The following SGPP1 variants were observed in gnomAD, a reference collection of about 807,000 sequenced individuals.
The protein encoded by SGPP1 is hSPP1.
In SGPP1, 21 loss-of-function variants were observed where a neutral mutation model predicts 33.0. That is an observed-to-expected ratio of 0.64 (90% CI 0.45 to 0.92). SGPP1 has a LOEUF of 0.92. SGPP1 is among the 40% of genes least tolerant of loss of function. The pLI, the probability that SGPP1 is intolerant of heterozygous loss-of-function variation, is 0.00. For missense variants in SGPP1, 543 were observed against 589.4 expected (o/e 0.92, Z 0.81); for synonymous variants, 239 against 241.2 (o/e 0.99, Z 0.08).
At chr14:63,688,439 T>C (rs1399103941) in intron 2 of SGPP1, among the ~76,000 whole-genome samples, 1 of 151,666 alleles carries the variant, frequency 6.6e-6, no homozygotes, top group African/African-American at 2.4e-5. Context: ...TAGTTTTAGG[T>C]AGGAGCAATT....
At chr14:63,698,733 A>T (rs1885239430) in intron 1 of SGPP1, 75 bp from the exon 2 acceptor site, 2 of 796,284 alleles carry the variant, frequency 2.5e-6, no homozygotes, top group Non-Finnish European at 3.8e-6. Flanking sequence ...AGACAAATCA[A>T]ATCACTATTC....
chr14:63,705,604 G>T (rs1323535452), intron 1 of SGPP1, among the ~76,000 whole-genome samples: 1 of 151,928 alleles, frequency 6.6e-6, no homozygotes, highest in African/African-American at 2.4e-5. Flanking sequence ...GGAGGTAAAG[G>T]TTCCCACGAG....
chr14:63,687,131 A>G (rs1566815995), intron 2 of SGPP1, among the ~76,000 whole-genome samples: 1 of 152,204 alleles, frequency 6.6e-6, no homozygotes, highest in East Asian at 1.9e-4. Context: ...GGTTGAGGAT[A>G]CATTGCTTTA....
rs1209086646 is a variant in SGPP1 at position 63,686,320 on chromosome 14, T to C, written c.1111A>G (p.Ile371Val). 1.2e-6 allele frequency: 2 copies of C among 1,613,952 alleles called. No homozygotes were observed. The highest frequency in any genetic ancestry group is 1.7e-6 in the Non-Finnish European group (2 of 1,179,970). The change falls in exon 3 of 3, where the codon ATA (isoleucine) becomes GTA (valine). Residue 371 changes from isoleucine (I) to valine (V), a missense_variant. Ile to Val is a conservative substitution (Grantham distance 29). Transcript: ENST00000247225. Reference sequence around the variant, plus strand: ...ATTATTAGTACAAATACCATCCCTATGAGGATCCGCAATATGGCTTTTCCA... The same window carrying C: ...ATTATTAGTACAAATACCATCCCTACGAGGATCCGCAATATGGCTTTTCCA... ...LFGKAILRIL[I>V]GMVFVLIIRD...
intron 1 of SGPP1, among the ~76,000 whole-genome samples, chr14:63,715,840 A>G (rs1035464802): frequency 6.6e-6 from 1 of 152,190 alleles, no homozygotes; most frequent in Admixed American, 6.6e-5. Context: ...TGTGGAGAGG[A>G]GCAGGCCAAA....
intron 1 of SGPP1, among the ~76,000 whole-genome samples, chr14:63,716,698 C>CTT (rs113716596): frequency 8.3e-4 from 118 of 142,910 alleles, no homozygotes; most frequent in Non-Finnish European, 1.4e-3. Context: ...CCCAATAATA[C>CTT]TTTTTTTTTT....
chr14:63,687,205 C>G (rs984638645), intron 2 of SGPP1, among the ~76,000 whole-genome samples: 1 of 152,056 alleles, frequency 6.6e-6, no homozygotes, highest in Non-Finnish European at 1.5e-5. Context: ...CTTTGGGAGG[C>G]TGAGGTGGGT....
intron 1 of SGPP1, among the ~76,000 whole-genome samples, chr14:63,701,160 T>C (rs1390819051): frequency 1.3e-5 from 2 of 152,054 alleles, no homozygotes; most frequent in Non-Finnish European, 2.9e-5. Context: ...TTAAAAAATA[T>C]TTTGCAGAGA....
intron 1 of SGPP1, among the ~76,000 whole-genome samples, chr14:63,709,266 C>G (rs553590129): frequency 1.3e-5 from 2 of 151,228 alleles, no homozygotes; most frequent in African/African-American, 2.4e-5. Context: ...CCCAGCTACT[C>G]GGGAGGCTGA....
rs1884947225 is a variant in SGPP1 at position 63,685,293 on chromosome 14, T to A, written c.*812A>T. Reference sequence around the variant, plus strand: ...TTGCTTGATTATATGTAACTTAAGATAAAGTTAATGTCTTATTTTTACATC... The same window carrying A: ...TTGCTTGATTATATGTAACTTAAGAAAAAGTTAATGTCTTATTTTTACATC... On this transcript the variant is annotated 3_prime_UTR_variant, in exon 3 of 3. Transcript: ENST00000247225. The A allele has an allele frequency of 6.6e-6, 1 of 152,492 alleles. No homozygotes were observed. The allele number at this position is 152,492 out of a possible 1,614,324, so 9.4% of individuals were successfully genotyped here.
In SGPP1 at chr14:63,686,361, A is replaced by G; in HGVS notation, c.1070T>C (p.Ile357Thr). Residue 357 changes from isoleucine to threonine, a missense_variant, in exon 3 of 3, where the codon ATT (isoleucine) becomes ACT (threonine). Coordinates refer to ENST00000247225, the MANE Select transcript of SGPP1 (RefSeq NM_030791.4). ...GGCTTTTCCAAACAGAGTCACAGTAATGGGGGGCCCAGCTAAAGGTAATGT... is the reference window on the plus strand; with the variant it reads ...GGCTTTTCCAAACAGAGTCACAGTAGTGGGGGGCCCAGCTAAAGGTAATGT... ...LDTLPLAGPP[I>T]TVTLFGKAIL... 1.2e-6 allele frequency: 2 copies of G among 1,614,188 alleles called. No individual in the cohort carries two copies. The highest frequency in any genetic ancestry group is 2.2e-5 in the South Asian group (2 of 91,084).
At chr14:63,707,113 T>G (rs1885424984) in intron 1 of SGPP1, among the ~76,000 whole-genome samples, 1 of 151,838 alleles carries the variant, frequency 6.6e-6, no homozygotes, top group Non-Finnish European at 1.5e-5. Flanking sequence ...AAAATATAAT[T>G]TAAAACATTC....
intron 2 of SGPP1, among the ~76,000 whole-genome samples, chr14:63,689,575 T>A (rs1474179666): frequency 6.6e-6 from 1 of 152,046 alleles, no homozygotes; most frequent in Non-Finnish European, 1.5e-5. Flanking sequence ...GGTGGGAGGA[T>A]CACCTGAGGT....
intron 1 of SGPP1, among the ~76,000 whole-genome samples, chr14:63,717,447 G>A (rs774835772): frequency 5.3e-5 from 8 of 151,324 alleles, no homozygotes; most frequent in East Asian, 2.0e-4. Context: ...TCAACCTCCC[G>A]AGTAGCTGGG....
Position 63,686,618 on chromosome 14 carries a change from T to A in SGPP1, c.813A>T (p.Leu271Phe). Residue 271 changes from leucine (L) to phenylalanine (F), a missense_variant, in exon 3 of 3, where the codon TTA becomes TTT. Leu to Phe is a conservative substitution (Grantham distance 22). Coordinates refer to ENST00000247225, the MANE Select transcript of SGPP1 (RefSeq NM_030791.4). ...IAGFLYTILI[L>F]AVFYPFVDLI... is the part of the protein sequence containing the mutation. ...GGTCCACAAATGGATAGAAGACAGC[T>A]AAGATTAAAATGGTATATAGGAATC... The A allele has an allele frequency of 1.2e-6, 2 of 1,613,176 alleles. No homozygotes were observed. Among genetic ancestry groups the A allele is most frequent in the African/African-American group, 2.7e-5 (2 of 75,024 alleles).
At chr14:63,702,944 CATAGAT>C (rs1885330294) in intron 1 of SGPP1, among the ~76,000 whole-genome samples, 1 of 151,878 alleles carries the variant, frequency 6.6e-6, no homozygotes, top group South Asian at 2.1e-4. Flanking sequence ...TAAACTTTAT[CATAGAT>C]ACATATGTAC....
At chr14:63,693,970 T>C (rs1595062291) in intron 2 of SGPP1, among the ~76,000 whole-genome samples, 2 of 152,124 alleles carry the variant, frequency 1.3e-5, no homozygotes, top group East Asian at 1.9e-4. Context: ...AATGTTTCTT[T>C]TATAGTACCT....
At chr14:63,707,509 C>T (rs527340201) in intron 1 of SGPP1, among the ~76,000 whole-genome samples, 1 of 151,760 alleles carries the variant, frequency 6.6e-6, no homozygotes, top group African/African-American at 2.4e-5. Context: ...GTTTCCAAGT[C>T]ATTAGTACTT....
intron 1 of SGPP1, among the ~76,000 whole-genome samples, chr14:63,725,368 C>T (rs893371350): frequency 3.3e-5 from 5 of 152,156 alleles, no homozygotes; most frequent in Admixed American, 2.0e-4. Flanking sequence ...AGCGAGACTC[C>T]GTCAGGAGGC....
Sources: allele counts gnomAD v4.1 joint callset (sites outside exome capture counted in the v4.1 genomes callset), GRCh38; gene constraint gnomAD v4.1.1; transcripts MANE v1.5; gene names NCBI Gene and HGNC (gene_info 2026-07-23, HGNC 2026-07-21).